The following SUPT20H variants were observed in gnomAD, a reference collection of about 807,000 sequenced individuals.
SUPT20H encodes the protein SPT20 homolog, SAGA complex component.
SUPT20H carries 82 observed loss-of-function variants against 122.8 expected under a neutral mutation model. The ratio of observed to expected loss-of-function variants is 0.67; its 90% CI spans 0.56 to 0.80. The LOEUF (loss-of-function observed/expected upper bound fraction) is 0.80, where lower values mean the gene tolerates loss of function less well. Among genes scored for constraint, SUPT20H ranks in the 30% least tolerant of loss-of-function variants. The probability of loss-of-function intolerance (pLI) is 0.00; values close to 1 mark genes in which losing one functional copy is unlikely to be tolerated. For synonymous variants in SUPT20H, 291 were observed against 313.0 expected, an observed-to-expected ratio of 0.93 and a Z score of 0.74; for missense variants, 831 against 921.6, an observed-to-expected ratio of 0.90 and a Z score of 1.27.
At chr13:37,053,500 A>C (rs2068203168) in intron 1 of SUPT20H, among the ~76,000 whole-genome samples, 2 of 151,850 alleles carry the variant, frequency 1.3e-5, no homozygotes, top group Non-Finnish European at 2.9e-5. Flanking sequence ...AGGGAGGGGA[A>C]CATCACACGC....
At chr13:37,039,159 T>C (rs905873061) in intron 9 of SUPT20H, 7 of 152,166 alleles carry the variant, frequency 4.6e-5, no homozygotes, top group African/African-American at 9.6e-5. Context: ...GCCAACACTA[T>C]AGGCCTCTCA....
At chr13:37,026,425 G>A (rs150239244) in intron 15 of SUPT20H, among the ~76,000 whole-genome samples, 189 bp from the exon 16 acceptor site, 19 of 152,158 alleles carry the variant, frequency 1.2e-4, no homozygotes, top group African/African-American at 4.6e-4. Flanking sequence ...AGTTTTGCAT[G>A]CATTATGAAA....
rs752049254 is a variant in SUPT20H at position 37,022,517 on chromosome 13, C to T, written c.1592-437G>A. On this transcript the variant is annotated intron_variant, in intron 19 of 25. Coordinates refer to ENST00000350612, the MANE Select transcript of SUPT20H (RefSeq NM_001014286.3). The surrounding 1 kb of genome is among the most constrained non-coding windows in gnomAD (Gnocchi z 4.5). ...TACAATTAAGGATGCAGTATATCAC[C>T]TAAAAATCCCATTAAAGATGCTATT... 158 of 1,234,254 alleles carry T rather than the reference C, an allele frequency of 1.3e-4. 1 individual carries two copies. Among genetic ancestry groups the T allele is most frequent in the Non-Finnish European group, 1.5e-4 (150 of 989,560 alleles). 76.5% of individuals were successfully genotyped at this position (1,234,254 alleles called of 1,614,324 possible).
chr13:37,021,494 C>G lies in SUPT20H; in HGVS notation c.1770G>C (p.Leu590=). The G allele has an allele frequency of 6.2e-7, 1 of 1,613,906 alleles. No individual in the cohort carries two copies. Among genetic ancestry groups the G allele is most frequent in the East Asian group, 2.2e-5 (1 of 44,864 alleles). The part of the protein sequence containing the change: ...NLSGLLPSGG[L]LPNALPSAMQ... ...TTGCACTGGGCAGTGCATTTGGTAGCAGACCTCCTGAGGGTAGAAGGCCGC... is the reference window on the plus strand; with the variant it reads ...TTGCACTGGGCAGTGCATTTGGTAGGAGACCTCCTGAGGGTAGAAGGCCGC... The change falls in exon 21 of 26, where the codon CTG becomes CTC. Residue 590 remains leucine, a synonymous_variant. Coordinates refer to ENST00000350612, the MANE Select transcript of SUPT20H (RefSeq NM_001014286.3).
intron 12 of SUPT20H, among the ~76,000 whole-genome samples, chr13:37,031,297 T>C (rs1406039220): frequency 6.6e-6 from 1 of 152,158 alleles, no homozygotes; most frequent in African/African-American, 2.4e-5. Flanking sequence ...AATTTTAAAA[T>C]TGTTTTACTA....
At chr13:37,059,310 G>C (rs1184173257) in intron 1 of SUPT20H, 1 of 152,198 alleles carries the variant, frequency 6.6e-6, no homozygotes, top group Non-Finnish European at 1.5e-5. Flanking sequence ...GGAAATACCC[G>C]TCTCTGGAAC....
chr13:37,020,725 A>C (rs1294475451), intron 21 of SUPT20H, among the ~76,000 whole-genome samples: 3 of 152,182 alleles, frequency 2.0e-5, no homozygotes, highest in Admixed American at 2.0e-4. Flanking sequence ...GTTTTTAATA[A>C]ATTTTTCTAG....
At chr13:37,018,124 T>A (rs563316543) in intron 22 of SUPT20H, among the ~76,000 whole-genome samples, 11 of 148,040 alleles carry the variant, frequency 7.4e-5, no homozygotes, top group South Asian at 2.1e-4. Flanking sequence ...AAAATAATAA[T>A]AAAAAAAAAA....
At chr13:37,028,648 A>C (rs377159912) in intron 13 of SUPT20H, among the ~76,000 whole-genome samples, 4 of 152,020 alleles carry the variant, frequency 2.6e-5, no homozygotes, top group East Asian at 3.9e-4. Context: ...TGTTCTCAGC[A>C]CTCTACAGGG....
intron 23 of SUPT20H, chr13:37,012,593 C>G (rs540304230): frequency 5.0e-6 from 1 of 198,048 alleles, no homozygotes; most frequent in East Asian, 1.2e-4. Context: ...CTTAAAACAC[C>G]CTTTGTAACA....
Position 37,021,531 on chromosome 13 carries a change from C to T in SUPT20H, c.1733G>A (p.Gly578Glu). The T allele has an allele frequency of 1.2e-6, 2 of 1,613,798 alleles. No individual in the cohort carries two copies. The highest frequency in any genetic ancestry group is 1.7e-6 in the Non-Finnish European group (2 of 1,179,950). ...GGGTAGAAGGCCGCTCAGGTTTATT[C>T]CTGCAGGAGTTATGGCACCAGTGTT... is the stretch of plus-strand genomic sequence containing the variant. ...GCNTGAITPA[G>E]INLSGLLPSG... Residue 578 changes from glycine to glutamate, a missense_variant, in exon 21 of 26, where the codon GGA becomes GAA. Transcript: ENST00000350612.
chr13:37,029,270 T>G (rs1396466397), intron 13 of SUPT20H, among the ~76,000 whole-genome samples: 1 of 152,238 alleles, frequency 6.6e-6, no homozygotes, highest in African/African-American at 2.4e-5. Flanking sequence ...GGCTCATGCC[T>G]GTAATCCCAG....
intron 2 of SUPT20H, among the ~76,000 whole-genome samples, chr13:37,049,055 A>C (rs1335301134): frequency 6.6e-6 from 1 of 152,150 alleles, no homozygotes. Flanking sequence ...TATATTAATG[A>C]AAAAAACCTA....
intron 1 of SUPT20H, 41 bp from the exon 2 acceptor site, chr13:37,051,624 G>GAACATATTAACATA: frequency 1.9e-6 from 1 of 517,240 alleles, no homozygotes; most frequent in South Asian, 3.4e-5. Flanking sequence ...TTAACATAAG[G>GAACATATTAACATA]CTATTAAGAG....
At chr13:37,039,317 C>T (rs538172356) in intron 9 of SUPT20H, 1 of 152,238 alleles carries the variant, frequency 6.6e-6, no homozygotes, top group South Asian at 2.1e-4. Flanking sequence ...GATACTAAAG[C>T]ATTCTTTCCA....
intron 1 of SUPT20H, among the ~76,000 whole-genome samples, chr13:37,056,209 ATT>A (rs1772775347): frequency 6.6e-6 from 1 of 152,218 alleles, no homozygotes; most frequent in Non-Finnish European, 1.5e-5. Context: ...CAGTGTGGCG[ATT>A]CCTCAAGGAT....
At chr13:37,052,743 G>C (rs1175494778) in intron 1 of SUPT20H, among the ~76,000 whole-genome samples, 3 of 152,090 alleles carry the variant, frequency 2.0e-5, no homozygotes, top group African/African-American at 7.2e-5. Context: ...GAGTGAACAG[G>C]CAACCTACAG....
Position 37,024,400 on chromosome 13 carries a change from C to G in SUPT20H, c.1372G>C (p.Gly458Arg). 1.9e-6 allele frequency: 3 copies of G among 1,590,322 alleles called. No individual in the cohort carries two copies. The highest frequency in any genetic ancestry group is 2.6e-6 in the Non-Finnish European group (3 of 1,171,014). The change falls in exon 18 of 26, where the codon GGT becomes CGT. Residue 458 changes from glycine to arginine, a missense_variant. Gly to Arg is a moderately radical substitution (Grantham distance 125). Transcript: ENST00000350612. The part of the protein sequence containing the change: ...VSVQSSVLGK[G>R]VKHRPPPIKL... ...ATTGGTGGGGGTCGATGTTTTACAC[C>G]CTTCCCCAATACCGAAGACTGAACT...
chr13:37,052,395 A>T (rs1402350085), intron 1 of SUPT20H, among the ~76,000 whole-genome samples: 1 of 152,166 alleles, frequency 6.6e-6, no homozygotes, highest in Non-Finnish European at 1.5e-5. Context: ...CTAATCTTTG[A>T]CAAACCTGAC....
Sources: allele counts gnomAD v4.1 joint callset (sites outside exome capture counted in the v4.1 genomes callset), GRCh38; gene constraint gnomAD v4.1.1; non-coding constraint Gnocchi (gnomAD v3.1); transcripts MANE v1.5; gene names NCBI Gene and HGNC (gene_info 2026-07-23, HGNC 2026-07-21).